Variants in DIS3L2 observed in about 807,000 individuals in gnomAD.
DIS3L2 encodes DIS3-like exonuclease 2.
DIS3L2 carries 34 observed loss-of-function variants against 97.5 expected under a neutral mutation model. The observed-to-expected ratio is 0.35, with a 90% confidence interval of 0.27 to 0.46. DIS3L2 has a LOEUF of 0.46. Among genes scored for constraint, DIS3L2 ranks in the 20% least tolerant of loss-of-function variants. The pLI, the probability that DIS3L2 is intolerant of heterozygous loss-of-function variation, is 1.00. For missense variants in DIS3L2, 1,038 were observed against 1,146.0 expected (o/e 0.91, Z 1.36); for synonymous variants, 435 against 445.2 (o/e 0.98, Z 0.29).
At position 232,329,964 on chromosome 2, in the gene DIS3L2, C is replaced by T. The variant is rs2106348175; in HGVS notation, c.1891C>T (p.Pro631Ser). The part of the protein sequence containing the change: ...LVEFCDQMGL[P>S]VDFSSAGALN... The stretch of plus-strand genomic sequence containing the variant: ...GGAATTCTGCGACCAGATGGGGCTG[C>T]CCGTGGACTTCAGCTCCGCAGGAGC... The change falls in exon 15 of 21, where the codon CCC (proline) becomes TCC (serine). Residue 631 changes from proline (P) to serine (S), a missense_variant. Coordinates refer to ENST00000325385, the MANE Select transcript of DIS3L2 (RefSeq NM_152383.5). 1 of 1,612,658 alleles carries T rather than the reference C, an allele frequency of 6.2e-7. No homozygotes were observed. Among genetic ancestry groups the T allele is most frequent in the Non-Finnish European group, 8.5e-7 (1 of 1,179,508 alleles).
intron 5 of DIS3L2, among the ~76,000 whole-genome samples, chr2:232,051,864 A>G (rs1674072493): frequency 2.6e-5 from 4 of 151,434 alleles, no homozygotes; most frequent in Admixed American, 2.6e-4. Flanking sequence ...TGGAAGAGAA[A>G]ACAAAGCAAT....
chr2:232,285,685 T>C (rs1694410350), intron 13 of DIS3L2, among the ~76,000 whole-genome samples: 1 of 150,942 alleles, frequency 6.6e-6, no homozygotes, highest in African/African-American at 2.5e-5. Flanking sequence ...ATTTATGTAT[T>C]GCCAGACCTT....
At chr2:231,997,586 G>C (rs1416717429) in intron 1 of DIS3L2, among the ~76,000 whole-genome samples, 1 of 152,292 alleles carries the variant, frequency 6.6e-6, no homozygotes, top group Non-Finnish European at 1.5e-5. Context: ...CAGTTGTTGG[G>C]AATATTCTTT....
At chr2:232,080,455 C>T (rs930843098) in intron 5 of DIS3L2, among the ~76,000 whole-genome samples, 6 of 152,090 alleles carry the variant, frequency 3.9e-5, no homozygotes, top group Non-Finnish European at 2.9e-5. Flanking sequence ...ATGGATGGAT[C>T]CATCATTTCA....
intron 9 of DIS3L2, among the ~76,000 whole-genome samples, chr2:232,209,485 G>A (rs1181317100): frequency 1.3e-5 from 2 of 152,188 alleles, no homozygotes; most frequent in Non-Finnish European, 2.9e-5. Flanking sequence ...TGCACTGCTA[G>A]TACTGGATGG....
chr2:232,036,170 T>G (rs1243614721), intron 5 of DIS3L2, among the ~76,000 whole-genome samples: 1 of 152,214 alleles, frequency 6.6e-6, no homozygotes. Flanking sequence ...AAACGTAGGT[T>G]TGGTCTTTTC....
intron 5 of DIS3L2, among the ~76,000 whole-genome samples, chr2:232,083,235 TTAAG>T (rs1378352432): frequency 6.6e-6 from 1 of 150,976 alleles, no homozygotes; most frequent in Non-Finnish European, 1.5e-5. Context: ...GCATAAATTA[TTAAG>T]TAAGTAGGCA....
At chr2:232,053,306 A>G (rs1224818887) in intron 5 of DIS3L2, among the ~76,000 whole-genome samples, 2 of 152,232 alleles carry the variant, frequency 1.3e-5, no homozygotes, top group Admixed American at 6.5e-5. Flanking sequence ...AAGTAGTTTA[A>G]AAGTATACTT....
At chr2:231,979,849 T>TA (rs1375731229) in intron 1 of DIS3L2, among the ~76,000 whole-genome samples, 2 of 152,166 alleles carry the variant, frequency 1.3e-5, no homozygotes, top group Non-Finnish European at 2.9e-5. Context: ...GTGCTGGGAT[T>TA]ACAGTCGTGA....
intron 20 of DIS3L2, chr2:232,336,267 G>A (rs1210172044): frequency 3.2e-6 from 5 of 1,545,242 alleles, no homozygotes; most frequent in Non-Finnish European, 4.4e-6. Flanking sequence ...AGCCTTGGGA[G>A]CGCTCAGGAT....
intron 14 of DIS3L2, among the ~76,000 whole-genome samples, chr2:232,301,901 A>G (rs1024774604): frequency 2.1e-5 from 3 of 143,490 alleles, no homozygotes; most frequent in African/African-American, 7.9e-5. Context: ...CTGGTCTTGA[A>G]CTCCTGAGCT....
At chr2:232,088,390 CA>C (rs778505065) in intron 6 of DIS3L2, among the ~76,000 whole-genome samples, 2,591 of 55,712 alleles carry the variant, frequency 0.047, 28 homozygotes, top group African/African-American at 0.092. Flanking sequence ...ACTAAAAATA[CA>C]AAAAAAAAAA....
chr2:231,987,707 C>T (rs1693457266), intron 1 of DIS3L2, among the ~76,000 whole-genome samples: 1 of 152,150 alleles, frequency 6.6e-6, no homozygotes, highest in Admixed American at 6.5e-5. Context: ...TGTTTTGTCT[C>T]CATGAGAAGC....
At chr2:232,340,023 GGCGCGTTTAGCT>G (rs1696070370), downstream of DIS3L2, among the ~76,000 whole-genome samples, 1 of 152,244 alleles carries the variant, frequency 6.6e-6, no homozygotes, top group Non-Finnish European at 1.5e-5. Flanking sequence ...TGGTGGCCTG[GGCGCGTTTAGCT>G]GTGCCTGGGG....
At chr2:232,302,407 G>T (rs1694879983) in intron 14 of DIS3L2, among the ~76,000 whole-genome samples, 1 of 151,368 alleles carries the variant, frequency 6.6e-6, no homozygotes, top group Admixed American at 6.6e-5. Flanking sequence ...AAAAGGAAAA[G>T]AAAAAAGTAT....
chr2:232,120,274 G>A (rs1268603693), intron 6 of DIS3L2, among the ~76,000 whole-genome samples: 1 of 152,166 alleles, frequency 6.6e-6, no homozygotes, highest in Non-Finnish European at 1.5e-5. Flanking sequence ...GGATTCTGAA[G>A]GTAGTGTGGC....
intron 7 of DIS3L2, among the ~76,000 whole-genome samples, chr2:232,133,081 T>A (rs1574899939): frequency 1.3e-5 from 2 of 152,230 alleles, no homozygotes; most frequent in East Asian, 3.9e-4. Flanking sequence ...TTTATCCTTG[T>A]GGGCCAGAGA....
intron 8 of DIS3L2, among the ~76,000 whole-genome samples, chr2:232,153,869 T>C (rs896319428): frequency 5.3e-5 from 8 of 152,180 alleles, no homozygotes; most frequent in African/African-American, 1.9e-4. Flanking sequence ...TCTTTTCACA[T>C]AGTCCCATAT....
At chr2:232,306,473 TC>T (rs1694988378) in intron 14 of DIS3L2, among the ~76,000 whole-genome samples, 1 of 152,220 alleles carries the variant, frequency 6.6e-6, no homozygotes, top group Non-Finnish European at 1.5e-5. Context: ...TTTTTTCACT[TC>T]AAGCATCTGA....
Sources: gnomAD v4.1 joint callset for allele counts (sites outside exome capture counted in the v4.1 genomes callset) on GRCh38, gnomAD v4.1.1 for gene constraint, MANE v1.5 for transcripts, NCBI Gene and HGNC (gene_info 2026-07-23, HGNC 2026-07-21) for gene names.